Variants in ARHGEF18 observed in about 807,000 individuals in gnomAD.
ARHGEF18 encodes the protein rho guanine nucleotide exchange factor 18.
In ARHGEF18, 93 loss-of-function variants were observed where a neutral mutation model predicts 155.7. The observed-to-expected ratio is 0.60, with a 90% confidence interval of 0.50 to 0.71. ARHGEF18 has a LOEUF of 0.71. Among genes scored for constraint, ARHGEF18 ranks in the 30% least tolerant of loss-of-function variants. ARHGEF18 has a pLI of 0.00. For synonymous variants in ARHGEF18, 742 were observed against 753.1 expected (o/e 0.99, Z 0.24); for missense variants, 1,593 against 1,816.1 (o/e 0.88, Z 2.23).
At chr19:7,387,968 G>A (rs938606510) in intron 10 of ARHGEF18, among the ~76,000 whole-genome samples, 1 of 151,784 alleles carries the variant, frequency 6.6e-6, no homozygotes, top group Non-Finnish European at 1.5e-5. Context: ...TCTGGCTCAA[G>A]CTACATTTCT....
At chr19:7,373,464 T>G (rs1467018377) in intron 3 of ARHGEF18, among the ~76,000 whole-genome samples, 1 of 87,848 alleles carries the variant, frequency 1.1e-5, no homozygotes, top group African/African-American at 1.4e-4. Flanking sequence ...TTTGTGTTTG[T>G]TTTTTTTTTT....
At chr19:7,455,039 T>C (rs1011060494) in intron 17 of ARHGEF18, among the ~76,000 whole-genome samples, 1 of 152,206 alleles carries the variant, frequency 6.6e-6, no homozygotes, top group Non-Finnish European at 1.5e-5. Flanking sequence ...GGGTTTCCTG[T>C]TCATTTTTGG....
At chr19:7,390,945 C>T (rs1285637024) in intron 10 of ARHGEF18, among the ~76,000 whole-genome samples, 1 of 152,018 alleles carries the variant, frequency 6.6e-6, no homozygotes, top group African/African-American at 2.4e-5. Flanking sequence ...GAGACTGAGG[C>T]AGGAGAATCA....
chr19:7,449,310 G>A (rs1011193701), intron 15 of ARHGEF18, among the ~76,000 whole-genome samples: 5 of 151,902 alleles, frequency 3.3e-5, no homozygotes, highest in African/African-American at 7.3e-5. Context: ...GGTGGCTCAC[G>A]CTTGGAATCC....
At chr19:7,357,580 C>T (rs1673964902) in intron 1 of ARHGEF18, among the ~76,000 whole-genome samples, 1 of 152,178 alleles carries the variant, frequency 6.6e-6, no homozygotes, top group Non-Finnish European at 1.5e-5. Context: ...GCCCCTTTCC[C>T]TGAGGCCTCA....
chr19:7,376,591 C>A, intron 4 of ARHGEF18, 52 bp from the exon 5 acceptor site: 1 of 1,173,730 alleles, frequency 8.5e-7, no homozygotes, highest in Non-Finnish European at 1.1e-6. Flanking sequence ...AGGGAACCTG[C>A]CTGCAGTCCA....
intron 1 of ARHGEF18, chr19:7,355,645 C>A (rs914102252): frequency 3.0e-5 from 30 of 985,356 alleles, no homozygotes; most frequent in Middle Eastern, 1.0e-3. Flanking sequence ...ACTCGGTGCT[C>A]AACCACTCCT....
Position 7,378,378 on chromosome 19 carries a change from G to C in ARHGEF18, c.542-16G>C. On this transcript the variant is annotated splice_polypyrimidine_tract_variant and intron_variant, in intron 5 of 28. Transcript: ENST00000668164. ...TCCTGACAACTGTGCTTCCTGGGAT[G>C]GGGGGCTTCTTCCAGGCCTGGAACC... 1 of 1,234,122 alleles carries C rather than the reference G, an allele frequency of 8.1e-7. No individual in the cohort carries two copies. The highest frequency in any genetic ancestry group is 1.0e-6 in the Non-Finnish European group (1 of 988,010). 76.4% of individuals were successfully genotyped at this position (1,234,122 alleles called of 1,614,324 possible). A position where few individuals can be genotyped will look rare whatever the true frequency, so the allele number is the denominator to read the frequency against.
intron 1 of ARHGEF18, among the ~76,000 whole-genome samples, chr19:7,356,186 G>A (rs1243441813): frequency 6.6e-6 from 1 of 151,924 alleles, no homozygotes; most frequent in Non-Finnish European, 1.5e-5. Flanking sequence ...CCAGGCCTCA[G>A]GTGACCTCTC....
At position 7,470,875 on chromosome 19, in the gene ARHGEF18, G is replaced by A. The variant is rs958863142; in HGVS notation, c.*577G>A. On this transcript the variant is annotated 3_prime_UTR_variant, in exon 29 of 29. Coordinates refer to ENST00000668164, the MANE Select transcript of ARHGEF18 (RefSeq NM_001367823.1). This position sits in a 1 kb window ranked among gnomAD's most constrained non-coding sequence, Gnocchi z 5.9. ...GTTCACCATGAACCTCAGGGTCAGG[G>A]AATGAGCCAGGCACGGGGGCATGGG... 10 of 401,130 alleles carry A rather than the reference G, an allele frequency of 2.5e-5. No individual in the cohort carries two copies. Among genetic ancestry groups the A allele is most frequent in the African/African-American group, 4.1e-5 (2 of 48,702 alleles). 24.8% of individuals were successfully genotyped at this position (401,130 alleles called of 1,614,324 possible). A position where few individuals can be genotyped will look rare whatever the true frequency, so the allele number is the denominator to read the frequency against.
rs896867182 is a variant in ARHGEF18, at chr19:7,462,724, G to A, written c.2635+390G>A. Reference sequence around the variant, plus strand: ...TGGTGATATCCCCAGAAAAACACACGCACACTCCCTCAGTGGGTCCCCACG... The same window carrying A: ...TGGTGATATCCCCAGAAAAACACACACACACTCCCTCAGTGGGTCCCCACG... On this transcript the variant is annotated intron_variant, in intron 21 of 28. Coordinates refer to ENST00000668164, the MANE Select transcript of ARHGEF18 (RefSeq NM_001367823.1). This position sits in a 1 kb window ranked among gnomAD's most constrained non-coding sequence, Gnocchi z 4.4. Among the ~76,000 whole-genome samples, 3 of 151,808 alleles carry A rather than the reference G, an allele frequency of 2.0e-5. No individual in the cohort carries two copies. The highest frequency in any genetic ancestry group is 6.6e-5 in the Admixed American group (1 of 15,256).
chr19:7,423,682 G>A (rs1973489939), intron 10 of ARHGEF18, among the ~76,000 whole-genome samples: 1 of 151,132 alleles, frequency 6.6e-6, no homozygotes, highest in Non-Finnish European at 1.5e-5. Context: ...TCTAGCCTGG[G>A]TGACAGGGCG....
chr19:7,357,718 G>A (rs1479936414), intron 1 of ARHGEF18, among the ~76,000 whole-genome samples: 3 of 152,098 alleles, frequency 2.0e-5, no homozygotes, highest in Non-Finnish European at 4.4e-5. Flanking sequence ...GGCTGTCTGG[G>A]CACCTAATAG....
At chr19:7,446,854 C>G (rs1490862586) in intron 14 of ARHGEF18, among the ~76,000 whole-genome samples, 189 bp from the exon 15 acceptor site, 1 of 150,082 alleles carries the variant, frequency 6.7e-6, no homozygotes, top group African/African-American at 2.5e-5. Context: ...CAAGATCGCG[C>G]CATTGCTCTT....
intron 1 of ARHGEF18, among the ~76,000 whole-genome samples, chr19:7,353,969 AAAG>A (rs375115558): frequency 3.0e-4 from 44 of 148,374 alleles, no homozygotes; most frequent in South Asian, 1.7e-3. Flanking sequence ...AAAAAAAAAA[AAAG>A]AAAGAAAGAA....
chr19:7,456,776 ACGAAGGGCCCTGCTTG>A (rs1568355610), intron 18 of ARHGEF18, among the ~76,000 whole-genome samples: 4 of 151,998 alleles, frequency 2.6e-5, no homozygotes, highest in Non-Finnish European at 1.5e-5. Flanking sequence ...CAAAAAACAG[ACGAAGGGCCCTGCTTG>A]CTGTGACCTT....
chr19:7,399,521 C>G (rs1448404239), intron 10 of ARHGEF18, among the ~76,000 whole-genome samples: 1 of 150,030 alleles, frequency 6.7e-6, no homozygotes, highest in Non-Finnish European at 1.5e-5. Context: ...TTGCTCTGTG[C>G]CCCAGCCTGG....
chr19:7,472,819 C>T, downstream of ARHGEF18: 1 of 366,626 alleles, frequency 2.7e-6, no homozygotes, highest in Non-Finnish European at 5.5e-6. Flanking sequence ...CCTGCCTCAG[C>T]CTCCTGAGTA....
intron 10 of ARHGEF18, among the ~76,000 whole-genome samples, chr19:7,389,514 CCTTT>C (rs112938203): frequency 0.057 from 4,005 of 70,138 alleles, 195 homozygotes; most frequent in African/African-American, 0.18. Flanking sequence ...TTCCTTCCTT[CCTTT>C]CTTTCTTTCT....
Sources: allele counts gnomAD v4.1 joint callset (sites outside exome capture counted in the v4.1 genomes callset), GRCh38; gene constraint gnomAD v4.1.1; non-coding constraint Gnocchi (gnomAD v3.1); transcripts MANE v1.5; gene names NCBI Gene and HGNC (gene_info 2026-07-23, HGNC 2026-07-21).